Variants in MPPED1 observed in about 807,000 individuals in gnomAD.
MPPED1 encodes metallophosphoesterase domain containing 1, also known as metallophosphoesterase domain-containing protein 1.
Under a neutral mutation model 36.2 loss-of-function variants are expected in MPPED1, and 16 were observed. The observed-to-expected ratio is 0.44, with a 90% CI of 0.30 to 0.67. The LOEUF is 0.67. Among genes scored for constraint, MPPED1 ranks in the 30% least tolerant of loss-of-function variants. The pLI is 0.10. For synonymous variants in MPPED1, 199 were observed against 191.3 expected (o/e 1.04, Z -0.33); for missense variants, 307 against 453.4 (o/e 0.68, Z 2.93).
rs750281725 is a variant in MPPED1 at position 43,474,996 on chromosome 22, T to A, written c.632+35T>A. 8 of 1,593,678 alleles carry A rather than the reference T, an allele frequency of 5.0e-6. No individual in the cohort carries two copies. The Admixed American group carries it at 1.0e-4, about 20-fold the overall frequency. On this transcript the variant is annotated intron_variant, in intron 4 of 6. Coordinates refer to ENST00000443721, the MANE Select transcript of MPPED1 (RefSeq NM_001044370.2). The surrounding 1 kb of genome is among the most constrained non-coding windows in gnomAD (Gnocchi z 5.2). Reference sequence around the variant, plus strand: ...CCTGGGTGCTGGTCCTGCCTGCTGGTGAGACCAGAGCTGAGGCTGAGCGCA... The same window carrying A: ...CCTGGGTGCTGGTCCTGCCTGCTGGAGAGACCAGAGCTGAGGCTGAGCGCA...
In MPPED1 at chr22:43,502,801, C is replaced by T. The variant is rs770520399; in HGVS notation, c.862+44C>T. On this transcript the variant is annotated intron_variant, in intron 6 of 6. Transcript: ENST00000443721. This position sits in a 1 kb window ranked among gnomAD's most constrained non-coding sequence, Gnocchi z 5.5. ...CAGGCACCTCACGGGCTAGGGGCTC[C>T]TAATGGACCCTCCAGCAGGACCTCC... 4.0e-6 allele frequency: 6 copies of T among 1,506,026 alleles called. No homozygotes were observed. The highest frequency in any genetic ancestry group is 3.4e-5 in the South Asian group (3 of 88,906). The allele number at this position is 1,506,026 out of a possible 1,614,324, so 93.3% of individuals were successfully genotyped here. A position where few individuals can be genotyped will look rare whatever the true frequency, so the allele number is the denominator to read the frequency against.
chr22:43,463,819 C>CTTTTTTTTT (rs1480549521), intron 3 of MPPED1, among the ~76,000 whole-genome samples: 32 of 83,466 alleles, frequency 3.8e-4, no homozygotes, highest in Non-Finnish European at 7.2e-4. Context: ...TTCTTTCTTT[C>CTTTTTTTTT]TTTCTTTCTT....
intron 5 of MPPED1, among the ~76,000 whole-genome samples, chr22:43,499,496 ATGG>A (rs1485453011): frequency 1.5e-5 from 1 of 67,894 alleles, no homozygotes; most frequent in African/African-American, 6.1e-5. Context: ...GGGGGTGGTG[ATGG>A]TGGTAATGGA....
Position 43,505,970 on chromosome 22 carries a change from G to T in MPPED1, c.*354G>T. 1 of 176,330 alleles carries T rather than the reference G, an allele frequency of 5.7e-6. No individual in the cohort carries two copies. The highest frequency in any genetic ancestry group is 1.2e-5 in the Non-Finnish European group (1 of 84,756). The allele number at this position is 176,330 out of a possible 1,614,324, so 10.9% of individuals were successfully genotyped here. A position where few individuals can be genotyped will look rare whatever the true frequency, so the allele number is the denominator to read the frequency against. Reference sequence around the variant, plus strand: ...TTGGGAAGCTGCTGCTCTTGAATGGGTTTTGGAAGTTACACAAAATCTCCC... The same window carrying T: ...TTGGGAAGCTGCTGCTCTTGAATGGTTTTTGGAAGTTACACAAAATCTCCC... On this transcript the variant is annotated 3_prime_UTR_variant, in exon 7 of 7. Coordinates refer to ENST00000443721, the MANE Select transcript of MPPED1 (RefSeq NM_001044370.2).
Position 43,457,362 on chromosome 22 carries a change from CTT to C in MPPED1, c.407-17370_407-17369del, listed in dbSNP as rs145695933. On this transcript the variant is annotated intron_variant, in intron 3 of 6. Transcript: ENST00000443721. ...TGGCGTCTGGATACTGTTTGTATAT[CTT>C]TTTCATTCTTTTACTTTCAACCCAC... Among the ~76,000 whole-genome samples, 513 of 152,176 alleles carry C rather than the reference CTT, an allele frequency of 3.4e-3. 7 individuals are homozygous for C. Among genetic ancestry groups the C allele is most frequent in the East Asian group, 0.026 (135 of 5,180 alleles).
Position 43,490,684 on chromosome 22 carries a change from T to A in MPPED1, c.633-7551T>A, listed in dbSNP as rs1003697883. 2.0e-5 allele frequency among the ~76,000 whole-genome samples: 3 copies of A among 152,200 alleles called. No individual in the cohort carries two copies. In the East Asian group the frequency reaches 5.8e-4, roughly 29 times the overall value. The stretch of plus-strand genomic sequence containing the variant: ...TCTTGTAAATATTTGATCAGATTTT[T>A]GAAAAATGGAAGCTGTGTTTGGAAG... On this transcript the variant is annotated intron_variant, in intron 4 of 6. Transcript: ENST00000443721.
chr22:43,498,323 A>G lies in MPPED1; in HGVS notation c.721A>G (p.Ile241Val). Residue 241 changes from isoleucine to valine, a missense_variant, in exon 5 of 7, where the codon ATC becomes GTC. Coordinates refer to ENST00000443721, the MANE Select transcript of MPPED1 (RefSeq NM_001044370.2). Reference protein sequence around the residue: ...KWNLIPEGVDILITHGPPLGF... With the variant: ...KWNLIPEGVDVLITHGPPLGF... ...GAACCTCATTCCCGAAGGCGTAGAC[A>G]TCCTGATAACCCATGGACCACCACT... The G allele has an allele frequency of 6.5e-7, 1 of 1,535,328 alleles. No individual in the cohort carries two copies. The highest frequency in any genetic ancestry group is 8.7e-7 in the Non-Finnish European group (1 of 1,146,484).
intron 1 of MPPED1, among the ~76,000 whole-genome samples, chr22:43,422,754 G>A (rs979071379): frequency 5.3e-5 from 8 of 152,086 alleles, no homozygotes; most frequent in African/African-American, 1.9e-4. Context: ...GTGAGCCGGC[G>A]CCTGGGACCC....
intron 1 of MPPED1, among the ~76,000 whole-genome samples, chr22:43,413,111 G>A (rs1928962902): frequency 6.6e-6 from 1 of 152,192 alleles, no homozygotes; most frequent in African/African-American, 2.4e-5. Context: ...TGCTGGGCTG[G>A]CCTGGCTCCC....
rs1389713454 is a variant in MPPED1 at position 43,498,315 on chromosome 22, G to A, written c.713G>A (p.Gly238Asp). Residue 238 changes from glycine to aspartate, a missense_variant, in exon 5 of 7, where the codon GGC becomes GAC. This residue lies in a region of MPPED1 where 132 missense variants were observed against 212.3 expected (regional missense o/e 0.62). Transcript: ENST00000443721. ...LLEKWNLIPE[G>D]VDILITHGPP... is the part of the protein sequence containing the mutation. ...GAGAAATGGAACCTCATTCCCGAAG[G>A]CGTAGACATCCTGATAACCCATGGA... is the stretch of plus-strand genomic sequence containing the variant. The A allele has an allele frequency of 1.3e-6, 2 of 1,535,382 alleles. No homozygotes were observed. The highest frequency in any genetic ancestry group is 1.2e-5 in the South Asian group (1 of 84,026).
chr22:43,435,874 T>C (rs1929940992), intron 3 of MPPED1, among the ~76,000 whole-genome samples: 1 of 151,966 alleles, frequency 6.6e-6, no homozygotes, highest in Non-Finnish European at 1.5e-5. Flanking sequence ...AAGAAATTGA[T>C]GAATGAATGA....
intron 3 of MPPED1, among the ~76,000 whole-genome samples, chr22:43,473,723 T>C (rs1464634173): frequency 1.3e-5 from 2 of 151,588 alleles, no homozygotes; most frequent in Non-Finnish European, 2.9e-5. Context: ...CAGGGGCGAG[T>C]GGCGTTTACT....
At position 43,465,880 on chromosome 22, in the gene MPPED1, G is replaced by GC. The variant is rs35769676; in HGVS notation, c.407-8852dup. On this transcript the variant is annotated intron_variant, in intron 3 of 6. Transcript: ENST00000443721. ...TCAGAGCACTGCAGGGAGTGCAGTAGCCCCTGGGGAAGCCGGGGGCCACCA... is the reference window on the plus strand; with the variant it reads ...TCAGAGCACTGCAGGGAGTGCAGTAGCCCCCTGGGGAAGCCGGGGGCCACCA... Among the ~76,000 whole-genome samples the GC allele has an allele frequency of 4.3e-4, 66 of 152,288 alleles. 1 individual carries two copies. In the East Asian group the frequency reaches 0.012, roughly 28 times the overall value.
intron 4 of MPPED1, among the ~76,000 whole-genome samples, chr22:43,478,872 T>A (rs959542623): frequency 6.6e-6 from 1 of 152,064 alleles, no homozygotes; most frequent in Admixed American, 6.5e-5. Context: ...GAAGGTGACA[T>A]GACGTGATCT....
At chr22:43,478,811 C>A (rs958770589) in intron 4 of MPPED1, among the ~76,000 whole-genome samples, 1 of 152,148 alleles carries the variant, frequency 6.6e-6, no homozygotes, top group African/African-American at 2.4e-5. Context: ...CGGCCTTCTC[C>A]CTTGAGGGTG....
In MPPED1 at chr22:43,447,727, C is replaced by T. The variant is rs186047149; in HGVS notation, c.406+12512C>T. Among the ~76,000 whole-genome samples, 109 of 150,796 alleles carry T rather than the reference C, an allele frequency of 7.2e-4. 1 individual carries two copies. The highest frequency in any genetic ancestry group is 2.5e-3 in the African/African-American group (102 of 40,970). On this transcript the variant is annotated intron_variant, in intron 3 of 6. Transcript: ENST00000443721. ...TTACATAGGTCTCGGGAGGGCATGA[C>T]ATTCTGCATTTCTAATGAGCTCCCA... is the stretch of plus-strand genomic sequence containing the variant.
At chr22:43,497,935 G>GTATATGTATATATATA (rs1932481275) in intron 4 of MPPED1, among the ~76,000 whole-genome samples, 1 of 128,364 alleles carries the variant, frequency 7.8e-6, no homozygotes, top group Non-Finnish European at 1.6e-5. Context: ...ATATGTATAT[G>GTATATGTATATATATA]TATATATATA....
intron 1 of MPPED1, 22 bp downstream of exon 1, chr22:43,412,180 G>C: frequency 2.0e-6 from 2 of 976,900 alleles, no homozygotes; most frequent in Non-Finnish European, 2.4e-6. Flanking sequence ...GGCGGGCGGG[G>C]CGCGGCGGGC....
chr22:43,471,820 G>A (rs917613427), intron 3 of MPPED1, among the ~76,000 whole-genome samples: 8 of 152,184 alleles, frequency 5.3e-5, no homozygotes, highest in Admixed American at 5.2e-4. Flanking sequence ...CATGTTCTTG[G>A]AGCTCTCCCA....
Sources: gnomAD v4.1 joint callset for allele counts (sites outside exome capture counted in the v4.1 genomes callset) on GRCh38, gnomAD v4.1.1 for gene constraint, gnomAD v4.1.1 regional missense constraint, Gnocchi (gnomAD v3.1) non-coding constraint, MANE v1.5 for transcripts, NCBI Gene and HGNC (gene_info 2026-07-23, HGNC 2026-07-21) for gene names.